The following TNFRSF14 variants were observed in gnomAD, a reference collection of about 807,000 sequenced individuals.
The protein encoded by TNFRSF14 is TNF receptor superfamily member 14.
A neutral mutation model predicts 34.1 loss-of-function variants in TNFRSF14; 18 were observed. The observed-to-expected ratio is 0.53, with a 90% confidence interval of 0.36 to 0.78. The LOEUF (loss-of-function observed/expected upper bound fraction) is 0.78, where lower values mean the gene tolerates loss of function less well. TNFRSF14 is among the 30% of genes least tolerant of loss of function. TNFRSF14 has a pLI of 0.00. For synonymous variants in TNFRSF14, 157 were observed against 153.2 expected (o/e 1.02, Z -0.18); for missense variants, 352 against 379.5 (o/e 0.93, Z 0.60).
intron 3 of TNFRSF14, 85 bp downstream of exon 3, chr1:2,558,553 T>C: frequency 6.3e-7 from 1 of 1,583,260 alleles, no homozygotes; most frequent in Non-Finnish European, 8.5e-7. Flanking sequence ...ATGGCCACAG[T>C]GCCCCAGGAA....
intron 3 of TNFRSF14, chr1:2,559,396 C>T (rs1405162420): frequency 7.2e-7 from 1 of 1,382,448 alleles, no homozygotes; most frequent in Non-Finnish European, 9.5e-7. Flanking sequence ...AGAAGTGGGG[C>T]TCTCACCCTA....
chr1:2,560,848 T>G (rs1644298754), intron 5 of TNFRSF14, 134 bp downstream of exon 5: 2 of 750,310 alleles, frequency 2.7e-6, no homozygotes, highest in Non-Finnish European at 4.5e-6. Context: ...GTCACATGCC[T>G]GCGTCCAGGA....
chr1:2,557,856 G>A (rs2100843445), intron 2 of TNFRSF14, 22 bp downstream of exon 2: 1 of 1,577,030 alleles, frequency 6.3e-7, no homozygotes, highest in South Asian at 1.1e-5. Flanking sequence ...CCTTTGGCGG[G>A]CCAGCTCTGT....
rs1020875306 is a variant in TNFRSF14, at chr1:2,561,401, G to A, written c.552-272G>A. ...GTCTCTGCACTGCTGGCTGCCTCCCGCTTCTCTCCCCTCTCCCTCTGCCGT... is the reference window on the plus strand; with the variant it reads ...GTCTCTGCACTGCTGGCTGCCTCCCACTTCTCTCCCCTCTCCCTCTGCCGT... On this transcript the variant is annotated intron_variant, in intron 5 of 7. Transcript: ENST00000355716. The surrounding 1 kb of genome is among the most constrained non-coding windows in gnomAD (Gnocchi z 6.0). The A allele has an allele frequency of 6.4e-5, 84 of 1,307,498 alleles. No individual in the cohort carries two copies. Among genetic ancestry groups the A allele is most frequent in the Non-Finnish European group, 7.7e-5 (74 of 967,156 alleles). The allele number at this position is 1,307,498 out of a possible 1,614,324, so 81.0% of individuals were successfully genotyped here.
In TNFRSF14 at chr1:2,558,337, C is replaced by CGGCA; in HGVS notation, c.179-3_179dup. Reference sequence around the variant, plus strand: ...ACTTGCGAAGTTCCCACTCTCTGGGCGGCAGGTTATCGTGTGAAGGAGGCC... The same window carrying CGGCA: ...ACTTGCGAAGTTCCCACTCTCTGGGCGGCAGGCAGGTTATCGTGTGAAGGAGGCC... On this transcript the variant is annotated splice_polypyrimidine_tract_variant and splice_region_variant and intron_variant, in intron 2 of 7. Coordinates refer to ENST00000355716, the MANE Select transcript of TNFRSF14 (RefSeq NM_003820.4). 6.3e-7 allele frequency: 1 copy of CGGCA among 1,597,260 alleles called. No homozygotes were observed.
intron 2 of TNFRSF14, 23 bp from the exon 3 acceptor site, chr1:2,558,320 A>G (rs1480833442): frequency 6.3e-7 from 1 of 1,588,652 alleles, no homozygotes; most frequent in Non-Finnish European, 8.6e-7. Flanking sequence ...AGACTTGCGA[A>G]GTTCCCACTC....
chr1:2,558,508 A>G (rs758364491), intron 3 of TNFRSF14, 40 bp downstream of exon 3: 11 of 1,610,252 alleles, frequency 6.8e-6, no homozygotes, highest in Non-Finnish European at 9.3e-6. Context: ...CCGCTTGGGC[A>G]GCCTGGATGC....
At position 2,561,838 on chromosome 1, in the gene TNFRSF14, A is replaced by G. The variant is rs748308533; in HGVS notation, c.694+23A>G. The G allele has an allele frequency of 6.8e-6, 11 of 1,608,900 alleles. No individual in the cohort carries two copies. The African/African-American group carries it at 1.3e-4, about 20-fold the overall frequency. The stretch of plus-strand genomic sequence containing the variant: ...GGGGTGAGCACACGGCGGCCCCATC[A>G]GGGCTCATGTCCCCAGCCGTCACCT... On this transcript the variant is annotated intron_variant, in intron 6 of 7. Coordinates refer to ENST00000355716, the MANE Select transcript of TNFRSF14 (RefSeq NM_003820.4). This position sits in a 1 kb window ranked among gnomAD's most constrained non-coding sequence, Gnocchi z 6.0.
intron 4 of TNFRSF14, among the ~76,000 whole-genome samples, chr1:2,560,318 C>T (rs1644289054): frequency 6.6e-6 from 1 of 152,170 alleles, no homozygotes; most frequent in Admixed American, 6.5e-5. Flanking sequence ...CAAGCTAAGT[C>T]TAGGAGGAGT....
At chr1:2,558,796 G>A (rs1644259251) in intron 3 of TNFRSF14, 5 of 1,320,260 alleles carry the variant, frequency 3.8e-6, no homozygotes, top group African/African-American at 1.5e-5. Context: ...TAGCTGCAAA[G>A]TGGAATGGGA....
At chr1:2,556,841 G>T in intron 1 of TNFRSF14, 108 bp downstream of exon 1, 1 of 1,197,484 alleles carries the variant, frequency 8.4e-7, no homozygotes, top group Non-Finnish European at 1.2e-6. Flanking sequence ...GCTGGCTCCG[G>T]CGTCCAGCCC....
chr1:2,556,865 T>A, intron 1 of TNFRSF14, 132 bp downstream of exon 1: 1 of 930,248 alleles, frequency 1.1e-6, no homozygotes, highest in Non-Finnish European at 1.6e-6. Context: ...CCCTGCTGCC[T>A]GGGGCTCTCG....
intron 5 of TNFRSF14, 91 bp downstream of exon 5, chr1:2,560,805 A>G (rs1644297759): frequency 2.5e-6 from 3 of 1,221,594 alleles, no homozygotes; most frequent in South Asian, 2.6e-5. Flanking sequence ...TCCAGCAGAA[A>G]GGCTTGAAGG....
Position 2,562,861 on chromosome 1 carries a change from G to A in TNFRSF14, c.695-4G>A, listed in dbSNP as rs750242471. The A allele has an allele frequency of 1.2e-6, 2 of 1,613,964 alleles. No homozygotes were observed. Among genetic ancestry groups the A allele is most frequent in the Admixed American group, 1.7e-5 (1 of 60,020 alleles). ...TCCCTGACCTGTGTGTCTGTGTATT[G>A]CAGGTGATGTAGTCAAGGTGATCGT... On this transcript the variant is annotated splice_polypyrimidine_tract_variant and splice_region_variant and intron_variant, in intron 6 of 7. Transcript: ENST00000355716.
At chr1:2,563,075 A>G in intron 7 of TNFRSF14, 73 bp from the exon 8 acceptor site, 1 of 1,601,338 alleles carries the variant, frequency 6.2e-7, no homozygotes, top group Non-Finnish European at 8.5e-7. Flanking sequence ...TGAAAGCAGT[A>G]AAATGAACCC....
chr1:2,558,473 G>C lies in TNFRSF14; in HGVS notation c.304+5G>C, dbSNP rs764918402. On this transcript the variant is annotated splice_donor_5th_base_variant and intron_variant, in intron 3 of 7. Coordinates refer to ENST00000355716, the MANE Select transcript of TNFRSF14 (RefSeq NM_003820.4). ...AGTGCCAAATGTGTGACCCAGGTAA[G>C]AGGCCAGCACAGCCGGCCCAGCCTC... 6.2e-7 allele frequency: 1 copy of C among 1,613,006 alleles called. No homozygotes were observed. Among genetic ancestry groups the C allele is most frequent in the South Asian group, 1.1e-5 (1 of 91,062 alleles).
Position 2,561,416 on chromosome 1 carries a change from C to A in TNFRSF14, c.552-257C>A. 7.2e-7 allele frequency: 1 copy of A among 1,392,774 alleles called. No individual in the cohort carries two copies. Among genetic ancestry groups the A allele is most frequent in the South Asian group, 1.4e-5 (1 of 69,032 alleles). The allele number at this position is 1,392,774 out of a possible 1,614,324, so 86.3% of individuals were successfully genotyped here. On this transcript the variant is annotated intron_variant, in intron 5 of 7. Coordinates refer to ENST00000355716, the MANE Select transcript of TNFRSF14 (RefSeq NM_003820.4). The surrounding 1 kb of genome is among the most constrained non-coding windows in gnomAD (Gnocchi z 6.0). ...GCTGCCTCCCGCTTCTCTCCCCTCT[C>A]CCTCTGCCGTCCTGTCTCCTTTGCC... is the stretch of plus-strand genomic sequence containing the variant.
intron 3 of TNFRSF14, chr1:2,559,560 A>C (rs1644273268): frequency 2.6e-6 from 4 of 1,522,512 alleles, no homozygotes; most frequent in African/African-American, 1.4e-5. Context: ...TCTGGGCAGA[A>C]GGCTGGTTTC....
At chr1:2,558,020 G>C (rs1311899925) in intron 2 of TNFRSF14, among the ~76,000 whole-genome samples, 186 bp downstream of exon 2, 1 of 152,148 alleles carries the variant, frequency 6.6e-6, no homozygotes, top group Admixed American at 6.5e-5. Flanking sequence ...CACCCTGGGG[G>C]ACCCTCACAG....
Sources: gnomAD v4.1 joint callset for allele counts (sites outside exome capture counted in the v4.1 genomes callset) on GRCh38, gnomAD v4.1.1 for gene constraint, Gnocchi (gnomAD v3.1) non-coding constraint, MANE v1.5 for transcripts, NCBI Gene and HGNC (gene_info 2026-07-23, HGNC 2026-07-21) for gene names.